Variants in SPOCD1 observed in about 807,000 individuals in gnomAD.
The protein encoded by SPOCD1 is SPOC domain-containing protein 1.
Under a neutral mutation model 92.2 loss-of-function variants are expected in SPOCD1, and 64 were observed. The ratio of observed to expected loss-of-function variants is 0.69; its 90% CI spans 0.57 to 0.86. SPOCD1 has a LOEUF of 0.86. Ranked by LOEUF, SPOCD1 falls within the 40% of genes least tolerant of loss-of-function variation. SPOCD1 has a pLI of 0.00. For synonymous variants in SPOCD1, 578 were observed against 619.3 expected (o/e 0.93, Z 0.99); for missense variants, 1,360 against 1,543.1 (o/e 0.88, Z 1.99).
intron 2 of SPOCD1, among the ~76,000 whole-genome samples, chr1:31,806,921 CACTT>C (rs1648858328): frequency 6.6e-6 from 1 of 152,080 alleles, no homozygotes; most frequent in Non-Finnish European, 1.5e-5. Flanking sequence ...GTATATTTTA[CACTT>C]ACAGTACATC....
intron 2 of SPOCD1, among the ~76,000 whole-genome samples, chr1:31,809,923 A>G (rs917053895): frequency 2.0e-5 from 3 of 151,532 alleles, no homozygotes; most frequent in African/African-American, 7.3e-5. Flanking sequence ...TCCACCTGTA[A>G]CCCCCACCCT....
rs760209883 is a variant in SPOCD1, at chr1:31,815,049, C to T, written c.285G>A (p.Met95Ile). 4 of 1,613,882 alleles carry T rather than the reference C, an allele frequency of 2.5e-6. No individual in the cohort carries two copies. Among genetic ancestry groups the T allele is most frequent in the Non-Finnish European group, 3.4e-6 (4 of 1,180,042 alleles). ...GCTGCATGTGGAGCCCAGGAGCCAG[C>T]ATCGAGCCCCGGCTCTGTACCACAG... ...LLAVVQSRGS[M>I]LAPGLHMQLP... Residue 95 changes from methionine to isoleucine, a missense_variant, in exon 2 of 16, where the codon ATG becomes ATA. Physicochemically the swap from Met to Ile is conservative, Grantham distance 10 (BLOSUM62 1). Transcript: ENST00000360482.
In SPOCD1 at chr1:31,798,420, C is replaced by T; in HGVS notation, c.2028+22G>A. 1.3e-6 allele frequency: 2 copies of T among 1,596,408 alleles called. No individual in the cohort carries two copies. Among genetic ancestry groups the T allele is most frequent in the East Asian group, 2.2e-5 (1 of 44,750 alleles). On this transcript the variant is annotated intron_variant, in intron 8 of 15. Transcript: ENST00000360482. This position sits in a 1 kb window ranked among gnomAD's most constrained non-coding sequence, Gnocchi z 4.1. The stretch of plus-strand genomic sequence containing the variant: ...TCTGAGATTCAGAGAGGGGACGCAG[C>T]CCAGCCCAAAGCCCTGCTCACCAGG...
intron 15 of SPOCD1, 55 bp downstream of exon 15, chr1:31,792,160 G>C (rs750621611): frequency 1.9e-6 from 3 of 1,541,672 alleles, no homozygotes; most frequent in Non-Finnish European, 1.8e-6. Context: ...AACCGTGCCT[G>C]GTCTGGTCAC....
At chr1:31,802,848 A>T (rs1049343498) in intron 2 of SPOCD1, among the ~76,000 whole-genome samples, 3 of 152,220 alleles carry the variant, frequency 2.0e-5, no homozygotes, top group African/African-American at 7.2e-5. Flanking sequence ...AATACACATA[A>T]AATATCACAG....
chr1:31,811,441 G>A (rs1002241077), intron 2 of SPOCD1, among the ~76,000 whole-genome samples: 2 of 151,660 alleles, frequency 1.3e-5, no homozygotes, highest in African/African-American at 4.9e-5. Flanking sequence ...CTGGGTGACA[G>A]GGCGAGACTC....
chr1:31,793,413 C>A lies in SPOCD1; in HGVS notation c.2550G>T (p.Gly850=). ...TTGTGGGTGCAGCAGGCACATGGAGCCCAGATGGAGGGACCCTAGAGGGAG... is the reference window on the plus strand; with the variant it reads ...TTGTGGGTGCAGCAGGCACATGGAGACCAGATGGAGGGACCCTAGAGGGAG... ...TEPQDRVPPS[G]LHVPAAPTKA... The change falls in exon 13 of 16, where the codon GGG becomes GGT. Residue 850 remains glycine (G), a synonymous_variant. Coordinates refer to ENST00000360482, the MANE Select transcript of SPOCD1 (RefSeq NM_144569.7). The A allele has an allele frequency of 6.3e-7, 1 of 1,591,386 alleles. No individual in the cohort carries two copies. Among genetic ancestry groups the A allele is most frequent in the Admixed American group, 1.8e-5 (1 of 56,428 alleles).
Position 31,800,208 on chromosome 1 carries a change from G to A in SPOCD1, c.1603-67C>T, listed in dbSNP as rs1203057312. 3.3e-6 allele frequency: 5 copies of A among 1,523,142 alleles called. No homozygotes were observed. The African/African-American group carries it at 5.6e-5, about 17-fold the overall frequency. The allele number at this position is 1,523,142 out of a possible 1,614,324, so 94.4% of individuals were successfully genotyped here. ...GCCAGGGACTGTTCCCTCCCCAGATGTACTGGAGGCCCAGCCCCTCCCTCC... is the reference window on the plus strand; with the variant it reads ...GCCAGGGACTGTTCCCTCCCCAGATATACTGGAGGCCCAGCCCCTCCCTCC... On this transcript the variant is annotated intron_variant, in intron 4 of 15. Coordinates refer to ENST00000360482, the MANE Select transcript of SPOCD1 (RefSeq NM_144569.7).
At chr1:31,805,000 G>C (rs183633315) in intron 2 of SPOCD1, among the ~76,000 whole-genome samples, 187 of 13,764 alleles carry the variant, frequency 0.014, 1 homozygote, top group Middle Eastern at 0.042. Flanking sequence ...TTTTTTTTTT[G>C]AGATGGAGTC....
intron 2 of SPOCD1, among the ~76,000 whole-genome samples, chr1:31,808,582 G>A (rs977557617): frequency 6.6e-5 from 10 of 151,844 alleles, no homozygotes; most frequent in Admixed American, 1.3e-4. Context: ...AACATAGCAA[G>A]TGTCATACTT....
chr1:31,798,659 G>T lies in SPOCD1; in HGVS notation c.1869-58C>A. The T allele has an allele frequency of 1.3e-6, 2 of 1,568,624 alleles. No homozygotes were observed. Among genetic ancestry groups the T allele is most frequent in the Non-Finnish European group, 1.7e-6 (2 of 1,158,814 alleles). ...GCCCAGGAGGCTCTCCAGGCACTTA[G>T]TCCCAGAGGGAGGCAGCTGGGTGGG... On this transcript the variant is annotated intron_variant, in intron 7 of 15. Transcript: ENST00000360482. The surrounding 1 kb of genome is among the most constrained non-coding windows in gnomAD (Gnocchi z 4.1).
In SPOCD1 at chr1:31,796,624, T is replaced by C; in HGVS notation, c.2237A>G (p.Asp746Gly). The change falls in exon 10 of 16, where the codon GAC becomes GGC. Residue 746 changes from aspartate to glycine, a missense_variant. Asp to Gly is a moderately conservative substitution (Grantham distance 94, BLOSUM62 -1). This residue lies in a region of SPOCD1 where 614 missense variants were observed against 757.8 expected (regional missense o/e 0.81). Transcript: ENST00000360482. The stretch of plus-strand genomic sequence containing the variant: ...CTCCAGGGTCAGTGTCTGGTCCATG[T>C]CCCGCTGAATCTCCACTTCGCCCTT... ...THKGEVEIQR[D>G]MDQTLTLEDL... is the part of the protein sequence containing the mutation. 6.2e-7 allele frequency: 1 copy of C among 1,614,250 alleles called. No homozygotes were observed. The highest frequency in any genetic ancestry group is 8.5e-7 in the Non-Finnish European group (1 of 1,180,046).
chr1:31,800,665 C>T, intron 3 of SPOCD1, 48 bp from the exon 4 acceptor site: 2 of 1,508,706 alleles, frequency 1.3e-6, no homozygotes, highest in Non-Finnish European at 1.8e-6. Flanking sequence ...AGCCGCTGTC[C>T]CCGCCTTCAG....
At chr1:31,803,513 G>C (rs1280657507) in intron 2 of SPOCD1, among the ~76,000 whole-genome samples, 1 of 151,570 alleles carries the variant, frequency 6.6e-6, no homozygotes, top group Non-Finnish European at 1.5e-5. Flanking sequence ...CAGGAGGATC[G>C]CTTGAGGCCA....
chr1:31,794,226 T>A lies in SPOCD1; in HGVS notation c.2281A>T (p.Met761Leu), dbSNP rs755513027. 2 of 1,611,732 alleles carry A rather than the reference T, an allele frequency of 1.2e-6. No individual in the cohort carries two copies. Among genetic ancestry groups the A allele is most frequent in the South Asian group, 2.2e-5 (2 of 90,982 alleles). ...LTLEDLVGPQ[M>L]FMDCSPQALP... is the part of the protein sequence containing the mutation. Reference sequence around the variant, plus strand: ...GCCTGTGGGCTGCAGTCCATGAACATCTGCGGTCCCTGGGAGGCAGAAGAC... The same window carrying A: ...GCCTGTGGGCTGCAGTCCATGAACAACTGCGGTCCCTGGGAGGCAGAAGAC... The change falls in exon 11 of 16, where the codon ATG (methionine) becomes TTG (leucine). Residue 761 changes from methionine to leucine, a missense_variant. Coordinates refer to ENST00000360482, the MANE Select transcript of SPOCD1 (RefSeq NM_144569.7).
intron 4 of SPOCD1, 51 bp downstream of exon 4, chr1:31,800,390 G>A: frequency 2.0e-6 from 3 of 1,496,314 alleles, no homozygotes; most frequent in Non-Finnish European, 2.7e-6. Context: ...TGTGAATCAG[G>A]TGTGAAGGTG....
chr1:31,811,288 T>C (rs891082109), intron 2 of SPOCD1, among the ~76,000 whole-genome samples: 6 of 151,994 alleles, frequency 3.9e-5, no homozygotes, highest in African/African-American at 1.2e-4. Flanking sequence ...TTGGCCAACA[T>C]AGTGAAATCC....
chr1:31,802,756 A>T (rs903265405), intron 2 of SPOCD1, among the ~76,000 whole-genome samples: 3 of 152,160 alleles, frequency 2.0e-5, no homozygotes, highest in Non-Finnish European at 4.4e-5. Context: ...TTTTTTTATT[A>T]AAAACAAGTT....
At position 31,799,998 on chromosome 1, in the gene SPOCD1, C is replaced by A. The variant is rs778884297; in HGVS notation, c.1728+18G>T. 2 of 1,611,016 alleles carry A rather than the reference C, an allele frequency of 1.2e-6. No homozygotes were observed. The highest frequency in any genetic ancestry group is 8.5e-7 in the Non-Finnish European group (1 of 1,178,482). Reference sequence around the variant, plus strand: ...TGCTCCAGTGAAGGAGGCACATGGCCGGGGCAGAACAACTTGCCTGGGAAC... The same window carrying A: ...TGCTCCAGTGAAGGAGGCACATGGCAGGGGCAGAACAACTTGCCTGGGAAC... On this transcript the variant is annotated intron_variant, in intron 5 of 15. Coordinates refer to ENST00000360482, the MANE Select transcript of SPOCD1 (RefSeq NM_144569.7).
Sources: allele counts gnomAD v4.1 joint callset (sites outside exome capture counted in the v4.1 genomes callset), GRCh38; gene constraint gnomAD v4.1.1; regional missense constraint gnomAD v4.1.1; non-coding constraint Gnocchi (gnomAD v3.1); transcripts MANE v1.5; gene names NCBI Gene and HGNC (gene_info 2026-07-23, HGNC 2026-07-21).